The following KCNJ3 variants were observed in gnomAD, a reference collection of about 807,000 sequenced individuals.
KCNJ3 encodes the protein potassium inwardly rectifying channel subfamily J member 3, also known as G protein-activated inward rectifier potassium channel 1.
In KCNJ3, 4 loss-of-function variants were observed where a neutral mutation model predicts 39.2. The ratio of observed to expected loss-of-function variants is 0.10; its 90% CI spans 0.05 to 0.23. The LOEUF is 0.23. Among genes scored for constraint, KCNJ3 ranks in the 10% least tolerant of loss-of-function variants. The probability of loss-of-function intolerance (pLI) is 1.00; values close to 1 mark genes in which losing one functional copy is unlikely to be tolerated. For synonymous variants in KCNJ3, 230 were observed against 237.4 expected (o/e 0.97, Z 0.29); for missense variants, 276 against 634.9 (o/e 0.43, Z 6.08).
intron 2 of KCNJ3, among the ~76,000 whole-genome samples, chr2:154,808,316 G>C (rs887005053): frequency 4.6e-5 from 7 of 151,770 alleles, no homozygotes; most frequent in African/African-American, 1.7e-4. Context: ...CCTGACCTCA[G>C]GTGATCCACC....
chr2:154,718,068 A>G (rs1258541655), intron 2 of KCNJ3, among the ~76,000 whole-genome samples: 4 of 152,296 alleles, frequency 2.6e-5, no homozygotes, highest in Middle Eastern at 3.4e-3. Context: ...TTCCTTTTAA[A>G]TTAATTGTTG....
intron 2 of KCNJ3, among the ~76,000 whole-genome samples, chr2:154,834,956 A>G (rs1343472194): frequency 2.0e-5 from 3 of 151,832 alleles, no homozygotes; most frequent in African/African-American, 4.8e-5. Context: ...AATCAATTAT[A>G]ATAATTAGAA....
chr2:154,726,826 CA>C (rs879586477), intron 2 of KCNJ3, among the ~76,000 whole-genome samples: 3,394 of 150,742 alleles, frequency 0.023, 118 homozygotes, highest in East Asian at 0.14. Context: ...CACACACACA[CA>C]CACACACATA....
intron 2 of KCNJ3, among the ~76,000 whole-genome samples, chr2:154,831,440 GAGA>G (rs1389591625): frequency 2.6e-5 from 4 of 152,088 alleles, no homozygotes; most frequent in Admixed American, 2.6e-4. Context: ...CCCCTTGAAA[GAGA>G]AGAAGGGCGA....
chr2:154,705,804 G>A (rs1684998678), intron 1 of KCNJ3, among the ~76,000 whole-genome samples: 1 of 151,974 alleles, frequency 6.6e-6, no homozygotes, highest in African/African-American at 2.4e-5. Context: ...CAAATTTTAA[G>A]CTCTAGATTT....
At chr2:154,799,095 C>T (rs2105215481) in intron 2 of KCNJ3, among the ~76,000 whole-genome samples, 1 of 152,202 alleles carries the variant, frequency 6.6e-6, no homozygotes, top group Non-Finnish European at 1.5e-5. Flanking sequence ...AATTTAGCAA[C>T]TCCACAGTCA....
chr2:154,770,122 A>G (rs1476026012), intron 2 of KCNJ3, among the ~76,000 whole-genome samples: 3 of 152,184 alleles, frequency 2.0e-5, no homozygotes, highest in Admixed American at 6.6e-5. Context: ...TCGGGAGCCA[A>G]TTCAACAATC....
chr2:154,738,362 G>C (rs1413051496), intron 2 of KCNJ3, among the ~76,000 whole-genome samples: 2 of 151,982 alleles, frequency 1.3e-5, no homozygotes, highest in Non-Finnish European at 2.9e-5. Context: ...TAGCACAATA[G>C]GATGACTACA....
intron 2 of KCNJ3, among the ~76,000 whole-genome samples, chr2:154,758,050 A>T (rs1373935): frequency 0.1 from 15,340 of 152,154 alleles, 798 homozygotes; most frequent in East Asian, 0.19. Context: ...TTTCAAATTT[A>T]TTGGACATAA....
chr2:154,825,657 C>A (rs1444037619), intron 2 of KCNJ3, among the ~76,000 whole-genome samples: 1 of 151,726 alleles, frequency 6.6e-6, no homozygotes, highest in Admixed American at 6.6e-5. Context: ...CTTACTGCAG[C>A]CTTGACCTCC....
chr2:154,715,439 A>G (rs1238459291), intron 2 of KCNJ3, among the ~76,000 whole-genome samples: 1 of 152,154 alleles, frequency 6.6e-6, no homozygotes, highest in Admixed American at 6.5e-5. Flanking sequence ...ACTGCCTAGG[A>G]TAGGATTTCT....
At chr2:154,838,784 G>GTACTT (rs1339898493) in intron 2 of KCNJ3, among the ~76,000 whole-genome samples, 2 of 152,018 alleles carry the variant, frequency 1.3e-5, no homozygotes, top group Non-Finnish European at 2.9e-5. Flanking sequence ...TTTGATTATT[G>GTACTT]TACTTTGCAT....
intron 2 of KCNJ3, among the ~76,000 whole-genome samples, chr2:154,749,293 T>C (rs1328147197): frequency 1.3e-5 from 2 of 152,080 alleles, no homozygotes; most frequent in African/African-American, 4.8e-5. Context: ...TTCTGAGATA[T>C]GTGTATTTAT....
At chr2:154,781,023 G>T (rs1210392683) in intron 2 of KCNJ3, among the ~76,000 whole-genome samples, 1 of 152,128 alleles carries the variant, frequency 6.6e-6, no homozygotes, top group Non-Finnish European at 1.5e-5. Flanking sequence ...ATCGCAGTTG[G>T]TCCTTAAATG....
intron 2 of KCNJ3, among the ~76,000 whole-genome samples, chr2:154,710,542 C>T (rs1386523079): frequency 6.6e-6 from 1 of 151,984 alleles, no homozygotes; most frequent in Admixed American, 6.6e-5. Flanking sequence ...TATTTGGGGC[C>T]TACACATTGC....
At chr2:154,763,471 GTGCTGA>G (rs1285785874) in intron 2 of KCNJ3, among the ~76,000 whole-genome samples, 2 of 151,600 alleles carry the variant, frequency 1.3e-5, no homozygotes, top group Non-Finnish European at 2.9e-5. Context: ...ATGTGAGATA[GTGCTGA>G]TCCATGTCAC....
At chr2:154,712,031 G>T (rs545154440) in intron 2 of KCNJ3, among the ~76,000 whole-genome samples, 1 of 152,136 alleles carries the variant, frequency 6.6e-6, no homozygotes, top group South Asian at 2.1e-4. Flanking sequence ...AATTAAACCT[G>T]TTTTCTAGAT....
chr2:154,798,164 A>T (rs1686752503), intron 2 of KCNJ3, among the ~76,000 whole-genome samples: 1 of 150,386 alleles, frequency 6.6e-6, no homozygotes, highest in Non-Finnish European at 1.5e-5. Flanking sequence ...TACCTATACC[A>T]CAAATACCCA....
chr2:154,808,829 G>T (rs959067662), intron 2 of KCNJ3, among the ~76,000 whole-genome samples: 1 of 152,144 alleles, frequency 6.6e-6, no homozygotes, highest in Non-Finnish European at 1.5e-5. Flanking sequence ...ATCAGGAGAA[G>T]GTGAAGGAGG....
Sources: gnomAD v4.1 joint callset for allele counts (sites outside exome capture counted in the v4.1 genomes callset) on GRCh38, gnomAD v4.1.1 for gene constraint, MANE v1.5 for transcripts, NCBI Gene and HGNC (gene_info 2026-07-23, HGNC 2026-07-21) for gene names.